Variants in MGAT4C observed in about 807,000 individuals in gnomAD.
MGAT4C encodes the protein alpha-1,3-mannosyl-glycoprotein 4-beta-N-acetylglucosaminyltransferase C.
Under a neutral mutation model 40.1 loss-of-function variants are expected in MGAT4C, and 19 were observed. The observed-to-expected ratio is 0.47, with a 90% confidence interval of 0.33 to 0.70. The LOEUF is 0.70. MGAT4C is among the 30% of genes least tolerant of loss of function. The pLI, the probability that MGAT4C is intolerant of heterozygous loss-of-function variation, is 0.02. For synonymous variants in MGAT4C, 181 were observed against 187.1 expected (o/e 0.97, Z 0.27); for missense variants, 491 against 563.2 (o/e 0.87, Z 1.30).
At chr12:86,572,883 C>T (rs924755206) in intron 2 of MGAT4C, among the ~76,000 whole-genome samples, 1 of 151,970 alleles carries the variant, frequency 6.6e-6, no homozygotes, top group Admixed American at 6.6e-5. Context: ...CTTCCTTCCC[C>T]TTTTTCCTAA....
chr12:86,411,450 T>C (rs574645708), intron 3 of MGAT4C, among the ~76,000 whole-genome samples: 2 of 152,322 alleles, frequency 1.3e-5, no homozygotes, highest in South Asian at 2.1e-4. Flanking sequence ...CTTGGCAGCA[T>C]TGTGCCTCTG....
intron 4 of MGAT4C, among the ~76,000 whole-genome samples, chr12:86,282,422 A>C (rs1953241845): frequency 6.6e-6 from 1 of 151,884 alleles, no homozygotes; most frequent in Non-Finnish European, 1.5e-5. Flanking sequence ...ATTTTCATTT[A>C]GTTCTTTTTT....
chr12:86,296,647 T>C (rs1245894892), intron 4 of MGAT4C, among the ~76,000 whole-genome samples: 1 of 152,124 alleles, frequency 6.6e-6, no homozygotes, highest in African/African-American at 2.4e-5. Context: ...CTGGCCCGGG[T>C]GCTAAGCCCC....
chr12:86,042,867 CAAAAAAA>C (rs140809256), intron 2 of MGAT4C, among the ~76,000 whole-genome samples: 1 of 107,976 alleles, frequency 9.3e-6, no homozygotes, highest in Non-Finnish European at 1.8e-5. Context: ...GACTCTGTCT[CAAAAAAA>C]AAAAAAAAAA....
intron 2 of MGAT4C, among the ~76,000 whole-genome samples, chr12:86,712,010 C>T (rs1593141417): frequency 6.6e-6 from 1 of 152,148 alleles, no homozygotes; most frequent in Middle Eastern, 3.4e-3. Flanking sequence ...TGATATATTG[C>T]CATGTGCTGG....
chr12:86,483,513 G>A (rs1240593557), intron 2 of MGAT4C, among the ~76,000 whole-genome samples: 1 of 152,000 alleles, frequency 6.6e-6, no homozygotes. Flanking sequence ...AAAAGGTTTT[G>A]TGGAGTGCAA....
chr12:86,706,899 C>T (rs538580483), intron 2 of MGAT4C, among the ~76,000 whole-genome samples: 1 of 152,228 alleles, frequency 6.6e-6, no homozygotes, highest in South Asian at 2.1e-4. Context: ...AGGTCTTTCC[C>T]ATGCTGTTCT....
intron 2 of MGAT4C, among the ~76,000 whole-genome samples, chr12:86,682,610 A>G (rs1305403903): frequency 1.3e-5 from 2 of 152,096 alleles, no homozygotes; most frequent in African/African-American, 4.8e-5. Context: ...AGCCCAAACT[A>G]GGGAAAAAAA....
chr12:86,362,904 G>A (rs935681499), intron 3 of MGAT4C, among the ~76,000 whole-genome samples: 1 of 144,866 alleles, frequency 6.9e-6, no homozygotes, highest in African/African-American at 2.5e-5. Context: ...GGTGTATATA[G>A]TAATATTAGC....
Position 85,969,482 on chromosome 12 carries a change from G to A in MGAT4C, c.*9807C>T, listed in dbSNP as rs937397918. 6 of 151,480 alleles carry A rather than the reference G, an allele frequency of 4.0e-5. No homozygotes were observed. Among genetic ancestry groups the A allele is most frequent in the African/African-American group, 1.2e-4 (5 of 41,330 alleles). 9.4% of individuals were successfully genotyped at this position (151,480 alleles called of 1,614,324 possible). On this transcript the variant is annotated 3_prime_UTR_variant, in exon 5 of 5. Transcript: ENST00000611864. ...CTTTTAGTGTACCCAGAGCCCATGAGTTTTTATTTTCTTTTTGGAATAACA... is the reference window on the plus strand; with the variant it reads ...CTTTTAGTGTACCCAGAGCCCATGAATTTTTATTTTCTTTTTGGAATAACA...
intron 2 of MGAT4C, among the ~76,000 whole-genome samples, chr12:86,564,583 C>G (rs1047956724): frequency 1.3e-5 from 2 of 152,204 alleles, no homozygotes; most frequent in East Asian, 3.8e-4. Context: ...ATAAATCCGA[C>G]TAAAATTCGG....
At chr12:86,445,006 G>A (rs963255285) in intron 2 of MGAT4C, among the ~76,000 whole-genome samples, 3 of 152,220 alleles carry the variant, frequency 2.0e-5, no homozygotes, top group Non-Finnish European at 4.4e-5. Context: ...CAGATCAGCT[G>A]TTGCCTGGGA....
chr12:86,408,640 A>C (rs1956537631), intron 3 of MGAT4C, among the ~76,000 whole-genome samples: 1 of 151,160 alleles, frequency 6.6e-6, no homozygotes, highest in Non-Finnish European at 1.5e-5. Flanking sequence ...ATACACAAAT[A>C]CTATTGAAAG....
intron 2 of MGAT4C, among the ~76,000 whole-genome samples, chr12:86,501,205 GA>G (rs142224818): frequency 2.0e-5 from 3 of 151,824 alleles, no homozygotes; most frequent in Non-Finnish European, 4.4e-5. Flanking sequence ...GATAGTATGG[GA>G]AAAAATATAT....
At chr12:86,515,900 G>A (rs1291878748) in intron 2 of MGAT4C, among the ~76,000 whole-genome samples, 2 of 151,658 alleles carry the variant, frequency 1.3e-5, no homozygotes, top group Admixed American at 1.3e-4. Flanking sequence ...CCACCACCAC[G>A]CCCAGCTAAT....
chr12:86,613,730 A>G (rs1230323342), intron 2 of MGAT4C, among the ~76,000 whole-genome samples: 1 of 152,286 alleles, frequency 6.6e-6, no homozygotes, highest in African/African-American at 2.4e-5. Flanking sequence ...TTTCAACATA[A>G]TAAAAATTAT....
At chr12:86,699,037 T>C (rs1950309803) in intron 2 of MGAT4C, among the ~76,000 whole-genome samples, 1 of 152,274 alleles carries the variant, frequency 6.6e-6, no homozygotes, top group East Asian at 1.9e-4. Context: ...AACTAGAGGA[T>C]TAATTTATAT....
At chr12:86,486,064 G>T (rs1958013714) in intron 2 of MGAT4C, among the ~76,000 whole-genome samples, 1 of 151,906 alleles carries the variant, frequency 6.6e-6, no homozygotes, top group African/African-American at 2.4e-5. Flanking sequence ...CCTTATAAAA[G>T]GTCCTTAAAC....
chr12:86,822,050 T>C (rs1318483013), intron 1 of MGAT4C, among the ~76,000 whole-genome samples: 1 of 151,042 alleles, frequency 6.6e-6, no homozygotes, highest in East Asian at 1.9e-4. Context: ...AACAATAATA[T>C]AATGTTTATG....
Sources: allele counts gnomAD v4.1 joint callset (sites outside exome capture counted in the v4.1 genomes callset), GRCh38; gene constraint gnomAD v4.1.1; transcripts MANE v1.5; gene names NCBI Gene and HGNC (gene_info 2026-07-23, HGNC 2026-07-21).